The following NCK1 variants were observed in gnomAD, a reference collection of about 807,000 sequenced individuals.
NCK1 encodes SH2/SH3 adapter protein NCK1.
In NCK1, 19 loss-of-function variants were observed where a neutral mutation model predicts 36.6. The observed-to-expected ratio is 0.52, with a 90% CI of 0.36 to 0.76. NCK1 has a LOEUF of 0.76. Among genes scored for constraint, NCK1 ranks in the 30% least tolerant of loss-of-function variants. NCK1 has a pLI of 0.00. For synonymous variants in NCK1, 165 were observed against 156.0 expected, an observed-to-expected ratio of 1.06 and a Z score of -0.43; for missense variants, 358 against 445.6, an observed-to-expected ratio of 0.80 and a Z score of 1.77.
intron 1 of NCK1, among the ~76,000 whole-genome samples, chr3:136,904,243 C>T (rs750451595): frequency 1.3e-5 from 2 of 152,078 alleles, no homozygotes; most frequent in African/African-American, 2.4e-5. Flanking sequence ...GCCTCTGCCT[C>T]CTGGGTTCAA....
intron 1 of NCK1, among the ~76,000 whole-genome samples, chr3:136,862,775 GC>G (rs1251709953): frequency 1.3e-5 from 2 of 152,240 alleles, no homozygotes; most frequent in Non-Finnish European, 2.9e-5. Context: ...AGGAGGAAGG[GC>G]GCTCTCACCT....
chr3:136,934,760 G>A (rs140523314), intron 2 of NCK1, among the ~76,000 whole-genome samples: 25 of 152,238 alleles, frequency 1.6e-4, no homozygotes, highest in African/African-American at 4.8e-4. Context: ...AACCAGTAGC[G>A]GAACTAAAAT....
chr3:136,882,454 G>T (rs1192598390), intron 1 of NCK1, among the ~76,000 whole-genome samples: 2 of 152,102 alleles, frequency 1.3e-5, no homozygotes, highest in East Asian at 1.9e-4. Flanking sequence ...AACAGCCAGA[G>T]AAATGTTTTT....
intron 1 of NCK1, among the ~76,000 whole-genome samples, chr3:136,923,338 G>A (rs1015562180): frequency 1.3e-5 from 2 of 151,932 alleles, no homozygotes; most frequent in Non-Finnish European, 2.9e-5. Flanking sequence ...GGCGGATCAC[G>A]AGGTCAGGAG....
chr3:136,893,296 C>T (rs892270919), intron 1 of NCK1, among the ~76,000 whole-genome samples: 6 of 151,448 alleles, frequency 4.0e-5, no homozygotes, highest in Non-Finnish European at 7.4e-5. Flanking sequence ...AAGGAATCTG[C>T]GCCATCCACG....
At chr3:136,872,728 G>A (rs1434718915) in intron 1 of NCK1, among the ~76,000 whole-genome samples, 1 of 152,202 alleles carries the variant, frequency 6.6e-6, no homozygotes, top group Admixed American at 6.5e-5. Flanking sequence ...TGCAGCCTAG[G>A]GACTTGGTAC....
intron 1 of NCK1, among the ~76,000 whole-genome samples, chr3:136,865,836 C>A (rs1206565688): frequency 1.3e-5 from 2 of 152,202 alleles, no homozygotes; most frequent in African/African-American, 4.8e-5. Context: ...TTATAGTCTT[C>A]CCTTCAAAAC....
chr3:136,894,974 C>G (rs1280030066), intron 1 of NCK1, among the ~76,000 whole-genome samples: 5 of 152,138 alleles, frequency 3.3e-5, no homozygotes, highest in Non-Finnish European at 5.9e-5. Context: ...CTCCTGGGTT[C>G]AAGCAGTTCT....
chr3:136,905,579 C>T (rs1439611917), intron 1 of NCK1, among the ~76,000 whole-genome samples: 1 of 151,902 alleles, frequency 6.6e-6, no homozygotes, highest in Non-Finnish European at 1.5e-5. Context: ...TCTTACTGGG[C>T]TTCTTTAAAA....
At chr3:136,926,806 A>G (rs1169180780) in intron 1 of NCK1, among the ~76,000 whole-genome samples, 1 of 152,192 alleles carries the variant, frequency 6.6e-6, no homozygotes, top group Non-Finnish European at 1.5e-5. Flanking sequence ...GTTGTAGGAT[A>G]TCAGTTACGT....
At chr3:136,880,069 G>C (rs1354479512) in intron 1 of NCK1, among the ~76,000 whole-genome samples, 2 of 151,288 alleles carry the variant, frequency 1.3e-5, no homozygotes, top group Non-Finnish European at 1.5e-5. Flanking sequence ...TGGATCACGA[G>C]GTCAGGAGAA....
chr3:136,914,891 G>A lies in NCK1; in HGVS notation c.-18-13093G>A, dbSNP rs1273877542. Among the ~76,000 whole-genome samples the A allele has an allele frequency of 2.6e-5, 4 of 152,338 alleles. No homozygotes were observed. The South Asian group carries it at 8.3e-4, about 32-fold the overall frequency. On this transcript the variant is annotated intron_variant, in intron 1 of 3. Coordinates refer to ENST00000481752, the MANE Select transcript of NCK1 (RefSeq NM_001291999.2). ...TATTACTGCCATCCCTCTTGAGTAA[G>A]TGAGTTCTCACTATATTAGTTCCTG...
intron 1 of NCK1, among the ~76,000 whole-genome samples, chr3:136,925,392 A>C (rs1432454756): frequency 2.0e-5 from 3 of 152,218 alleles, no homozygotes; most frequent in Non-Finnish European, 4.4e-5. Context: ...AAACTTTAGA[A>C]CTTATTGCGA....
chr3:136,949,789 T>C lies in NCK1; in HGVS notation c.*1336T>C, dbSNP rs1033573511. The stretch of plus-strand genomic sequence containing the variant: ...AATTCTTTGCTGTTATAAATAGATA[T>C]CTAATACGCCAGAATTACTGATGGT... On this transcript the variant is annotated 3_prime_UTR_variant, in exon 4 of 4. Coordinates refer to ENST00000481752, the MANE Select transcript of NCK1 (RefSeq NM_001291999.2). 3 of 152,044 alleles carry C rather than the reference T, an allele frequency of 2.0e-5. No individual in the cohort carries two copies. The highest frequency in any genetic ancestry group is 7.2e-5 in the African/African-American group (3 of 41,444). 9.4% of individuals were successfully genotyped at this position (152,044 alleles called of 1,614,324 possible).
At chr3:136,892,076 G>T (rs1939261108) in intron 1 of NCK1, among the ~76,000 whole-genome samples, 1 of 151,828 alleles carries the variant, frequency 6.6e-6, no homozygotes. Flanking sequence ...TTGTAGAGAT[G>T]GGGATCTCAC....
intron 1 of NCK1, 117 bp downstream of exon 1, chr3:136,862,470 G>A (rs1938251392): frequency 6.6e-6 from 1 of 152,518 alleles, no homozygotes; most frequent in Non-Finnish European, 1.5e-5. Flanking sequence ...TTAGCCCCGG[G>A]GGCGCCGTCT....
chr3:136,905,426 ATCTT>A (rs1055335645), intron 1 of NCK1, among the ~76,000 whole-genome samples: 15 of 149,228 alleles, frequency 1.0e-4, no homozygotes, highest in African/African-American at 3.5e-4. Context: ...ATTCTCTTGT[ATCTT>A]TTTTTTTTTG....
At chr3:136,926,206 AAGAT>A (rs760010228) in intron 1 of NCK1, among the ~76,000 whole-genome samples, 1 of 149,600 alleles carries the variant, frequency 6.7e-6, no homozygotes, top group African/African-American at 2.5e-5. Context: ...CTAACTGCTT[AAGAT>A]AGATACTCAG....
chr3:136,887,308 C>T (rs186223734), intron 1 of NCK1, among the ~76,000 whole-genome samples: 50 of 152,236 alleles, frequency 3.3e-4, no homozygotes, highest in Admixed American at 5.9e-4. Context: ...GCGGGGACTA[C>T]AGGAGTGCAC....
Sources: gnomAD v4.1 joint callset for allele counts (sites outside exome capture counted in the v4.1 genomes callset) on GRCh38, gnomAD v4.1.1 for gene constraint, MANE v1.5 for transcripts, NCBI Gene and HGNC (gene_info 2026-07-23, HGNC 2026-07-21) for gene names.